The following PTPRD variants were observed in gnomAD, a reference collection of about 807,000 sequenced individuals.
PTPRD encodes protein tyrosine phosphatase receptor type D, also known as receptor-type tyrosine-protein phosphatase delta.
In PTPRD, 34 loss-of-function variants were observed where a neutral mutation model predicts 214.5. That is an observed-to-expected ratio of 0.16 (90% CI 0.12 to 0.21). The LOEUF (loss-of-function observed/expected upper bound fraction) is 0.21. Ranked by LOEUF, PTPRD falls within the 10% of genes least tolerant of loss-of-function variation. PTPRD has a pLI of 1.00. For missense variants in PTPRD, 2,545 were observed against 2,398.7 expected, an observed-to-expected ratio of 1.06 and a Z score of -1.27; for synonymous variants, 1,128 against 845.7, an observed-to-expected ratio of 1.33 and a Z score of -5.79.
chr9:9,004,639 T>G (rs544523719), intron 11 of PTPRD, among the ~76,000 whole-genome samples: 11 of 152,176 alleles, frequency 7.2e-5, no homozygotes, highest in Middle Eastern at 3.4e-3. Context: ...AATTAATTTA[T>G]GTTTGGATGA....
intron 3 of PTPRD, among the ~76,000 whole-genome samples, chr9:10,180,997 T>C (rs913475414): frequency 3.3e-5 from 5 of 152,072 alleles, no homozygotes; most frequent in African/African-American, 1.2e-4. Context: ...AGATTAAGAA[T>C]AGCATCAGGA....
chr9:8,674,956 A>G (rs756811222), intron 12 of PTPRD, among the ~76,000 whole-genome samples: 3 of 152,206 alleles, frequency 2.0e-5, no homozygotes, highest in Admixed American at 6.5e-5. Flanking sequence ...TTAATCTCCA[A>G]TGAATTTTAA....
rs184434705 is a variant in PTPRD at position 8,810,617 on chromosome 9, T to A, written c.-103-76671A>T. ...CTAAAGGAACACACTCTAACAGTCA[T>A]CACGTCTTTAGTGTTTCAAGAGAAG... is the stretch of plus-strand genomic sequence containing the variant. On this transcript the variant is annotated intron_variant, in intron 11 of 45. Transcript: ENST00000381196. Among the ~76,000 whole-genome samples the A allele has an allele frequency of 1.2e-4, 19 of 152,296 alleles. No homozygotes were observed. The East Asian group carries it at 3.7e-3, about 29-fold the overall frequency.
intron 12 of PTPRD, among the ~76,000 whole-genome samples, chr9:8,714,261 G>A (rs993263030): frequency 9.2e-5 from 14 of 152,078 alleles, no homozygotes; most frequent in African/African-American, 3.4e-4. Flanking sequence ...TCCTAACAAA[G>A]CACAAATATA....
rs1449445543 is a variant in PTPRD at position 8,465,666 on chromosome 9, C to T, written c.3514G>A (p.Glu1172Lys). 6 of 1,605,810 alleles carry T rather than the reference C, an allele frequency of 3.7e-6. No homozygotes were observed. The highest frequency in any genetic ancestry group is 5.1e-6 in the Non-Finnish European group (6 of 1,176,202). Residue 1172 changes from glutamate (E) to lysine (K), a missense_variant, in exon 32 of 46, where the codon GAG becomes AAG. Glu to Lys is a moderately conservative substitution (Grantham distance 56). Transcript: ENST00000381196. ...ATGCTTCTGCGCTTCCTAGATATCT[C>T]CTTAAGCAGCTTAAGGAAAAAAGTG... Reference protein sequence around the residue: ...DEMELDELLKEISRKRRSIRY... With the variant: ...DEMELDELLKKISRKRRSIRY...
intron 11 of PTPRD, among the ~76,000 whole-genome samples, chr9:8,998,873 A>G (rs1030036481): frequency 1.3e-5 from 2 of 152,064 alleles, no homozygotes; most frequent in African/African-American, 4.8e-5. Context: ...ATCCTCACAG[A>G]TGACTTTGAG....
chr9:10,085,405 GCAATAGGAATAGCTTTCAGGAT>G (rs1020306659), intron 3 of PTPRD, among the ~76,000 whole-genome samples: 1 of 151,784 alleles, frequency 6.6e-6, no homozygotes, highest in Non-Finnish European at 1.5e-5. Flanking sequence ...ATATTTTTAA[GCAATAGGAATAGCTTTCAGGAT>G]CCTAAACCTG....
intron 5 of PTPRD, among the ~76,000 whole-genome samples, chr9:9,937,264 T>G (rs1306607541): frequency 6.6e-6 from 1 of 151,386 alleles, no homozygotes; most frequent in Non-Finnish European, 1.5e-5. Context: ...AAAAATAAAT[T>G]ACTATATTGG....
intron 11 of PTPRD, among the ~76,000 whole-genome samples, chr9:8,936,542 T>A (rs2098999355): frequency 6.6e-6 from 1 of 151,750 alleles, no homozygotes. Flanking sequence ...GCAGCAACTA[T>A]AATTGGTTTA....
At chr9:8,588,826 G>T (rs998782153) in intron 14 of PTPRD, among the ~76,000 whole-genome samples, 1 of 152,068 alleles carries the variant, frequency 6.6e-6, no homozygotes, top group Non-Finnish European at 1.5e-5. Context: ...TTCTTCTTCA[G>T]AGAAATCTTT....
chr9:9,143,226 C>T (rs897867594), intron 10 of PTPRD, among the ~76,000 whole-genome samples: 20 of 152,104 alleles, frequency 1.3e-4, no homozygotes, highest in African/African-American at 4.8e-4. Flanking sequence ...GATGTTTATG[C>T]CGAATCTATA....
chr9:9,072,611 T>C (rs561802516), intron 10 of PTPRD, among the ~76,000 whole-genome samples: 1 of 152,322 alleles, frequency 6.6e-6, no homozygotes, highest in East Asian at 1.9e-4. Flanking sequence ...CACCTCTTAT[T>C]TGCCACATAC....
intron 44 of PTPRD, among the ~76,000 whole-genome samples, chr9:8,321,526 T>TATATATATATATATATATAA (rs1327118226): frequency 6.9e-5 from 8 of 115,788 alleles, no homozygotes; most frequent in South Asian, 3.2e-4. Flanking sequence ...TATATATATA[T>TATATATATATATATATATAA]AAAAGGTATA....
At chr9:9,720,338 G>C (rs567120962) in intron 7 of PTPRD, among the ~76,000 whole-genome samples, 16 of 152,292 alleles carry the variant, frequency 1.1e-4, no homozygotes, top group African/African-American at 3.6e-4. Flanking sequence ...AGTATTAAAA[G>C]AGCCCTACAA....
chr9:8,971,504 T>C (rs1589110146), intron 11 of PTPRD, among the ~76,000 whole-genome samples: 1 of 151,734 alleles, frequency 6.6e-6, no homozygotes, highest in Non-Finnish European at 1.5e-5. Context: ...ATTCACAAAG[T>C]TATTGTGAAT....
At chr9:8,345,907 G>C (rs557624380) in intron 39 of PTPRD, among the ~76,000 whole-genome samples, 1 of 152,064 alleles carries the variant, frequency 6.6e-6, no homozygotes, top group East Asian at 1.9e-4. Context: ...ATCTCTGCCA[G>C]TCCCCAAAAT....
intron 2 of PTPRD, among the ~76,000 whole-genome samples, chr9:10,536,153 G>A (rs564689916): frequency 6.6e-6 from 1 of 152,038 alleles, no homozygotes; most frequent in Admixed American, 6.6e-5. Context: ...CAGGACCAAG[G>A]AATATGTCTG....
chr9:9,792,386 A>G (rs532603135), intron 5 of PTPRD, among the ~76,000 whole-genome samples: 2 of 152,278 alleles, frequency 1.3e-5, no homozygotes, highest in African/African-American at 4.8e-5. Context: ...AGTTTCATCT[A>G]TCTTTAAGAG....
At chr9:10,309,518 A>C (rs2096202556) in intron 3 of PTPRD, among the ~76,000 whole-genome samples, 1 of 123,448 alleles carries the variant, frequency 8.1e-6, no homozygotes, top group African/African-American at 3.9e-5. Flanking sequence ...ACATCCAGCT[A>C]TTTCTTTTTT....
Sources: gnomAD v4.1 joint callset for allele counts (sites outside exome capture counted in the v4.1 genomes callset) on GRCh38, gnomAD v4.1.1 for gene constraint, MANE v1.5 for transcripts, NCBI Gene and HGNC (gene_info 2026-07-23, HGNC 2026-07-21) for gene names.